The following GRAMD2B variants were observed in gnomAD, a reference collection of about 807,000 sequenced individuals.
GRAMD2B encodes GRAM domain-containing protein 2B.
In GRAMD2B, 41 loss-of-function variants were observed where a neutral mutation model predicts 59.2. The ratio of observed to expected loss-of-function variants is 0.69; its 90% CI spans 0.54 to 0.90. GRAMD2B has a LOEUF of 0.90. Ranked by LOEUF, GRAMD2B falls within the 40% of genes least tolerant of loss-of-function variation. The pLI, the probability that GRAMD2B is intolerant of heterozygous loss-of-function variation, is 0.00. For missense variants in GRAMD2B, 424 were observed against 500.5 expected (o/e 0.85, Z 1.46); for synonymous variants, 161 against 182.7 (o/e 0.88, Z 0.96).
intron 1 of GRAMD2B, among the ~76,000 whole-genome samples, chr5:126,381,887 G>A (rs1755690229): frequency 6.6e-6 from 1 of 151,984 alleles, no homozygotes; most frequent in South Asian, 2.1e-4. Flanking sequence ...GTGTTGGCTT[G>A]GTACTGGTAA....
chr5:126,460,255 G>A (rs1240523341), intron 1 of GRAMD2B, among the ~76,000 whole-genome samples: 1 of 152,200 alleles, frequency 6.6e-6, no homozygotes, highest in Non-Finnish European at 1.5e-5. Context: ...AAGAGTAGGT[G>A]CCTTTGTGGA....
intron 1 of GRAMD2B, among the ~76,000 whole-genome samples, chr5:126,404,049 G>T (rs993927112): frequency 2.6e-5 from 4 of 151,908 alleles, no homozygotes; most frequent in African/African-American, 9.7e-5. Flanking sequence ...TAGAAGGTTT[G>T]TCACAAAGTT....
At chr5:126,473,791 G>A (rs11746622) in intron 5 of GRAMD2B, among the ~76,000 whole-genome samples, 38,669 of 152,016 alleles carry the variant, frequency 0.25, 5,064 homozygotes, top group African/African-American at 0.27. Context: ...TACCAGTGAT[G>A]CGTAGGACAG....
intron 1 of GRAMD2B, among the ~76,000 whole-genome samples, chr5:126,402,326 A>G (rs949995683): frequency 5.9e-5 from 9 of 152,138 alleles, no homozygotes; most frequent in African/African-American, 9.7e-5. Context: ...AGCCTGGCTT[A>G]CTAAGAAATA....
At chr5:126,415,899 T>C (rs932669384) in intron 1 of GRAMD2B, among the ~76,000 whole-genome samples, 9 of 152,174 alleles carry the variant, frequency 5.9e-5, no homozygotes. Context: ...AAATATGTAA[T>C]ATAAAGACAC....
intron 1 of GRAMD2B, among the ~76,000 whole-genome samples, chr5:126,414,007 A>G (rs565906646): frequency 2.0e-4 from 30 of 152,264 alleles, no homozygotes; most frequent in Non-Finnish European, 3.7e-4. Flanking sequence ...ACCCCCATTC[A>G]GGACTCTCTT....
rs1175052491 is a variant in GRAMD2B at position 126,462,491 on chromosome 5, G to C, written c.84-2935G>C. 3.1e-6 allele frequency: 3 copies of C among 975,990 alleles called. No homozygotes were observed. The African/African-American group carries it at 5.3e-5, about 17-fold the overall frequency. 60.5% of individuals were successfully genotyped at this position (975,990 alleles called of 1,614,324 possible). A position where few individuals can be genotyped will look rare whatever the true frequency, so the allele number is the denominator to read the frequency against. The stretch of plus-strand genomic sequence containing the variant: ...TCTTGCCTGTGTGAGGAATTAACTT[G>C]CTTGAGCCTGTAGCATCTTTAAGCA... On this transcript the variant is annotated intron_variant, in intron 1 of 13. Transcript: ENST00000285689.
chr5:126,370,753 C>T (rs1754707101), upstream of GRAMD2B, among the ~76,000 whole-genome samples: 1 of 152,232 alleles, frequency 6.6e-6, no homozygotes, highest in Admixed American at 6.5e-5. Context: ...CGAACTCTCG[C>T]TTCCTACTGT....
intron 1 of GRAMD2B, among the ~76,000 whole-genome samples, chr5:126,397,684 T>C (rs1346133014): frequency 6.6e-6 from 1 of 152,220 alleles, no homozygotes; most frequent in Non-Finnish European, 1.5e-5. Context: ...ATTTATTGAT[T>C]TGCATATGTT....
chr5:126,416,415 T>A (rs1759269281), intron 1 of GRAMD2B, among the ~76,000 whole-genome samples: 1 of 152,194 alleles, frequency 6.6e-6, no homozygotes, highest in African/African-American at 2.4e-5. Flanking sequence ...CACAGGAGTA[T>A]GGTTGAAACT....
chr5:126,419,589 C>T (rs1759546489), upstream of GRAMD2B, among the ~76,000 whole-genome samples: 1 of 152,110 alleles, frequency 6.6e-6, no homozygotes, highest in African/African-American at 2.4e-5. Context: ...TACTCTGCCC[C>T]CAAGAGTATG....
chr5:126,405,593 TAA>T (rs1249390932), intron 1 of GRAMD2B, among the ~76,000 whole-genome samples: 4 of 152,060 alleles, frequency 2.6e-5, no homozygotes, highest in South Asian at 4.1e-4. Flanking sequence ...TGAATTCACC[TAA>T]GTCTAGTGAA....
rs1422047226 is a variant in GRAMD2B, at chr5:126,477,675, T to G, written c.487-17T>G. 1 of 1,420,536 alleles carries G rather than the reference T, an allele frequency of 7.0e-7. No homozygotes were observed. Among genetic ancestry groups the G allele is most frequent in the Non-Finnish European group, 1.0e-6 (1 of 1,003,402 alleles). 88.0% of individuals were successfully genotyped at this position (1,420,536 alleles called of 1,614,324 possible). A position where few individuals can be genotyped will look rare whatever the true frequency, so the allele number is the denominator to read the frequency against. ...TGTCAAGTCTGAACTGGCATTAACT[T>G]GCTGATTCTGTTTCAGATCTCTATT... On this transcript the variant is annotated splice_polypyrimidine_tract_variant and intron_variant, in intron 5 of 13. Transcript: ENST00000285689.
chr5:126,486,675 G>C (rs532215721), intron 11 of GRAMD2B, among the ~76,000 whole-genome samples, 198 bp from the exon 12 acceptor site: 2 of 152,290 alleles, frequency 1.3e-5, no homozygotes, highest in South Asian at 4.1e-4. Flanking sequence ...ACTTGGGCTA[G>C]AGGATTTTAA....
intron 1 of GRAMD2B, chr5:126,465,115 C>A: frequency 8.3e-7 from 1 of 1,207,584 alleles, no homozygotes; most frequent in Non-Finnish European, 1.0e-6. Context: ...CGCTCCCAGC[C>A]TCCAGGTGAT....
intron 1 of GRAMD2B, among the ~76,000 whole-genome samples, chr5:126,445,868 T>C (rs1053051859): frequency 6.6e-6 from 1 of 152,172 alleles, no homozygotes; most frequent in Non-Finnish European, 1.5e-5. Flanking sequence ...GGCATTTCCA[T>C]TTCTTCCTCT....
At chr5:126,433,250 C>T (rs1255765533) in intron 1 of GRAMD2B, among the ~76,000 whole-genome samples, 1 of 152,178 alleles carries the variant, frequency 6.6e-6, no homozygotes, top group Non-Finnish European at 1.5e-5. Flanking sequence ...CTATTTCCAT[C>T]ACATTTTATA....
intron 1 of GRAMD2B, among the ~76,000 whole-genome samples, chr5:126,461,370 A>G (rs564446567): frequency 6.6e-6 from 1 of 152,246 alleles, no homozygotes; most frequent in Non-Finnish European, 1.5e-5. Flanking sequence ...GTCATCATCA[A>G]ACTAATGATG....
exon 1 of GRAMD2B, chr5:126,360,249 G>A: frequency 6.8e-7 from 1 of 1,478,118 alleles, no homozygotes; most frequent in East Asian, 2.5e-5. Context: ...TCAAAGAGCT[G>A]TGGTTGGGCA....
Sources: gnomAD v4.1 joint callset for allele counts (sites outside exome capture counted in the v4.1 genomes callset) on GRCh38, gnomAD v4.1.1 for gene constraint, MANE v1.5 for transcripts, NCBI Gene and HGNC (gene_info 2026-07-23, HGNC 2026-07-21) for gene names.